Variants in KCNJ6 observed in about 807,000 individuals in gnomAD.
KCNJ6 encodes potassium inwardly rectifying channel subfamily J member 6, also known as G protein-activated inward rectifier potassium channel 2.
In KCNJ6, 9 loss-of-function variants were observed where a neutral mutation model predicts 34.2. The ratio of observed to expected loss-of-function variants is 0.26; its 90% CI spans 0.16 to 0.46. The LOEUF (loss-of-function observed/expected upper bound fraction) is 0.46. KCNJ6 is among the 20% of genes least tolerant of loss of function. KCNJ6 has a pLI of 1.00. For synonymous variants in KCNJ6, 196 were observed against 207.1 expected (o/e 0.95, Z 0.46); for missense variants, 236 against 531.3 (o/e 0.44, Z 5.46).
chr21:37,791,448 G>T (rs1568849878), intron 2 of KCNJ6, among the ~76,000 whole-genome samples: 1 of 152,154 alleles, frequency 6.6e-6, no homozygotes, highest in Non-Finnish European at 1.5e-5. Context: ...CGGGGCTCTG[G>T]GAGAACAAGC....
chr21:37,625,945 C>A (rs1345573992), intron 3 of KCNJ6, among the ~76,000 whole-genome samples: 2 of 152,130 alleles, frequency 1.3e-5, no homozygotes, highest in Admixed American at 6.5e-5. Flanking sequence ...TACACTTAGG[C>A]TGCTTTTAAG....
chr21:37,649,157 A>AACAAAAAC (rs755535850), intron 3 of KCNJ6, among the ~76,000 whole-genome samples: 9 of 133,978 alleles, frequency 6.7e-5, no homozygotes, highest in African/African-American at 2.6e-4. Context: ...AAAAAAAAGA[A>AACAAAAAC]AGAAAAAGAA....
rs928695770 is a variant in KCNJ6, at chr21:37,718,012, G to T, written c.26-2881C>A. Among the ~76,000 whole-genome samples the T allele has an allele frequency of 5.9e-5, 9 of 152,304 alleles. No individual in the cohort carries two copies. In the South Asian group the frequency reaches 1.5e-3, roughly 25 times the overall value. On this transcript the variant is annotated intron_variant, in intron 2 of 3. Transcript: ENST00000609713. ...TGAATGAGTAGCGATCAGTGCTCTG[G>T]AAAGTCTGGGGGGATATCTGTTACT... is the stretch of plus-strand genomic sequence containing the variant.
chr21:37,788,081 C>G (rs1314784309), intron 2 of KCNJ6, among the ~76,000 whole-genome samples: 2 of 152,216 alleles, frequency 1.3e-5, no homozygotes, highest in Non-Finnish European at 2.9e-5. Context: ...TCTGTTATTG[C>G]TGAAGGCATT....
chr21:37,630,086 C>G (rs2054327009), intron 3 of KCNJ6, among the ~76,000 whole-genome samples: 3 of 140,318 alleles, frequency 2.1e-5, no homozygotes, highest in Non-Finnish European at 1.6e-5. Flanking sequence ...AAAATAAAAC[C>G]AACTGAGTTA....
chr21:37,643,033 T>C (rs546911690), intron 3 of KCNJ6, among the ~76,000 whole-genome samples: 25 of 152,268 alleles, frequency 1.6e-4, no homozygotes, highest in African/African-American at 5.3e-4. Context: ...GTTTTGAGTA[T>C]GATAACTGAA....
At chr21:37,640,623 A>G (rs2054376830) in intron 3 of KCNJ6, among the ~76,000 whole-genome samples, 1 of 152,252 alleles carries the variant, frequency 6.6e-6, no homozygotes, top group Non-Finnish European at 1.5e-5. Context: ...CTCCACAGGG[A>G]AAGATCTGGT....
intron 3 of KCNJ6, 53 bp from the exon 4 acceptor site, chr21:37,625,537 G>T (rs947173381): frequency 7.2e-7 from 1 of 1,387,074 alleles, no homozygotes; most frequent in Non-Finnish European, 1.0e-6. Flanking sequence ...GCTTTCCATG[G>T]CCAAGGAGTC....
chr21:37,641,051 G>C (rs1375702688), intron 3 of KCNJ6, among the ~76,000 whole-genome samples: 3 of 152,172 alleles, frequency 2.0e-5, no homozygotes, highest in Non-Finnish European at 4.4e-5. Flanking sequence ...ATTTACTTAA[G>C]CTGCAACTGG....
At chr21:37,746,325 C>T (rs748002177) in intron 2 of KCNJ6, among the ~76,000 whole-genome samples, 4 of 152,156 alleles carry the variant, frequency 2.6e-5, no homozygotes, top group Non-Finnish European at 5.9e-5. Flanking sequence ...CAGGGATAAT[C>T]CAGATCTGGG....
rs2054274543 is a variant in KCNJ6, at chr21:37,617,154, T to TC, written c.*8004dup. The TC allele has an allele frequency of 6.8e-6, 1 of 147,254 alleles. No individual in the cohort carries two copies. The highest frequency in any genetic ancestry group is 6.9e-5 in the Admixed American group (1 of 14,480). 9.1% of individuals were successfully genotyped at this position (147,254 alleles called of 1,614,324 possible). A position where few individuals can be genotyped will look rare whatever the true frequency, so the allele number is the denominator to read the frequency against. On this transcript the variant is annotated 3_prime_UTR_variant, in exon 4 of 4. Coordinates refer to ENST00000609713, the MANE Select transcript of KCNJ6 (RefSeq NM_002240.5). ...TTCTTTCTTTCCTTCCTTCCTTCCT[T>TC]CTTTCTTTATCTTTTTTCCTTCCTT...
chr21:37,654,972 G>A (rs1223614929), intron 3 of KCNJ6, among the ~76,000 whole-genome samples: 1 of 152,136 alleles, frequency 6.6e-6, no homozygotes, highest in South Asian at 2.1e-4. Context: ...GGAGCTATGG[G>A]CAAGTACTAC....
At chr21:37,781,889 A>G (rs1362452095) in intron 2 of KCNJ6, among the ~76,000 whole-genome samples, 3 of 152,076 alleles carry the variant, frequency 2.0e-5, no homozygotes, top group Admixed American at 6.5e-5. Flanking sequence ...ACCTACCTAC[A>G]TATAGGTAGG....
chr21:37,626,419 C>T lies in KCNJ6; in HGVS notation c.947-935G>A, dbSNP rs534757960. 3.7e-4 allele frequency among the ~76,000 whole-genome samples: 56 copies of T among 152,318 alleles called. 3 individuals carry two copies. In the South Asian group the frequency reaches 0.011, roughly 31 times the overall value. Reference sequence around the variant, plus strand: ...AAAGTGTTGGGATTACAGGCGTGAGCCACTGCTCCTGGCCACTTTTCCCTT... The same window carrying T: ...AAAGTGTTGGGATTACAGGCGTGAGTCACTGCTCCTGGCCACTTTTCCCTT... On this transcript the variant is annotated intron_variant, in intron 3 of 3. Coordinates refer to ENST00000609713, the MANE Select transcript of KCNJ6 (RefSeq NM_002240.5).
At chr21:37,686,035 G>A (rs1006289844) in intron 3 of KCNJ6, among the ~76,000 whole-genome samples, 2 of 151,966 alleles carry the variant, frequency 1.3e-5, no homozygotes, top group Admixed American at 6.6e-5. Context: ...CAGTGAGCAC[G>A]GCTTCTATCC....
At chr21:37,780,092 A>G (rs369484703) in intron 2 of KCNJ6, among the ~76,000 whole-genome samples, 9 of 152,168 alleles carry the variant, frequency 5.9e-5, no homozygotes, top group African/African-American at 1.9e-4. Flanking sequence ...CCTTGAAAAT[A>G]TAAGATAAGG....
rs2054244173 is a variant in KCNJ6 at position 37,611,945 on chromosome 21, TACTGCTTTTCA to T, written c.*13203_*13213del. On this transcript the variant is annotated 3_prime_UTR_variant, in exon 4 of 4. Coordinates refer to ENST00000609713, the MANE Select transcript of KCNJ6 (RefSeq NM_002240.5). ...AGGAAAAAAAAGGTGTCCCCATCACTACTGCTTTTCAACATGATACTGGAAGTCCTGGCTGA... is the reference window on the plus strand; with the variant it reads ...AGGAAAAAAAAGGTGTCCCCATCACTACATGATACTGGAAGTCCTGGCTGA... The T allele has an allele frequency of 6.6e-6, 1 of 152,168 alleles. No individual in the cohort carries two copies. The highest frequency in any genetic ancestry group is 6.5e-5 in the Admixed American group (1 of 15,272). 9.4% of individuals were successfully genotyped at this position (152,168 alleles called of 1,614,324 possible). A position where few individuals can be genotyped will look rare whatever the true frequency, so the allele number is the denominator to read the frequency against.
chr21:37,667,003 A>T (rs13050536), intron 3 of KCNJ6, among the ~76,000 whole-genome samples: 1 of 151,684 alleles, frequency 6.6e-6, no homozygotes, highest in Non-Finnish European at 1.5e-5. Context: ...ACCCAGGGAC[A>T]CAAACACTGT....
chr21:37,652,373 G>A (rs1448401110), intron 3 of KCNJ6, among the ~76,000 whole-genome samples: 2 of 152,214 alleles, frequency 1.3e-5, no homozygotes, highest in Non-Finnish European at 2.9e-5. Flanking sequence ...CTGTTGAGTA[G>A]TGAATGGCAA....
Sources: allele counts gnomAD v4.1 joint callset (sites outside exome capture counted in the v4.1 genomes callset), GRCh38; gene constraint gnomAD v4.1.1; transcripts MANE v1.5; gene names NCBI Gene and HGNC (gene_info 2026-07-23, HGNC 2026-07-21).